The following SLC24A3 variants were observed in gnomAD, a reference collection of about 807,000 sequenced individuals.
SLC24A3 encodes the protein sodium/potassium/calcium exchanger 3.
SLC24A3 carries 28 observed loss-of-function variants against 75.8 expected under a neutral mutation model. The ratio of observed to expected loss-of-function variants is 0.37; its 90% confidence interval spans 0.27 to 0.51. The LOEUF (loss-of-function observed/expected upper bound fraction) is 0.51. Ranked by LOEUF, SLC24A3 falls within the 20% of genes least tolerant of loss-of-function variation. SLC24A3 has a pLI of 0.94. For synonymous variants in SLC24A3, 372 were observed against 334.1 expected, an observed-to-expected ratio of 1.11 and a Z score of -1.24; for missense variants, 663 against 847.8, an observed-to-expected ratio of 0.78 and a Z score of 2.71.
intron 1 of SLC24A3, among the ~76,000 whole-genome samples, chr20:19,236,713 G>A (rs1009459237): frequency 4.6e-5 from 7 of 152,256 alleles, no homozygotes; most frequent in African/African-American, 7.2e-5. Flanking sequence ...CTATGATTGC[G>A]CCACTTCACT....
intron 2 of SLC24A3, among the ~76,000 whole-genome samples, chr20:19,297,370 G>A (rs1984086526): frequency 6.6e-6 from 1 of 152,140 alleles, no homozygotes; most frequent in Non-Finnish European, 1.5e-5. Flanking sequence ...CCTCTGTCAA[G>A]GTATAGGACA....
intron 3 of SLC24A3, among the ~76,000 whole-genome samples, chr20:19,520,819 A>G (rs1375658023): frequency 9.2e-5 from 14 of 152,152 alleles, no homozygotes; most frequent in Non-Finnish European, 2.9e-5. Context: ...CTCACTTATG[A>G]GCTTACATCC....
chr20:19,527,608 C>T (rs1251893329), intron 3 of SLC24A3, among the ~76,000 whole-genome samples: 5 of 152,196 alleles, frequency 3.3e-5, no homozygotes, highest in Admixed American at 6.5e-5. Context: ...ACACACAAGT[C>T]TCTTATGCCA....
At chr20:19,517,177 G>C (rs553114974) in intron 3 of SLC24A3, among the ~76,000 whole-genome samples, 1 of 152,290 alleles carries the variant, frequency 6.6e-6, no homozygotes, top group South Asian at 2.1e-4. Flanking sequence ...TCGGCACCAA[G>C]GAGGCTACCC....
chr20:19,550,686 T>C (rs6046175), intron 3 of SLC24A3, among the ~76,000 whole-genome samples: 4,345 of 152,320 alleles, frequency 0.029, 202 homozygotes, highest in African/African-American at 0.099. Context: ...TGTGGCCTAC[T>C]GGACCCTTAT....
chr20:19,269,813 T>A (rs994415813), intron 1 of SLC24A3, among the ~76,000 whole-genome samples: 1 of 152,174 alleles, frequency 6.6e-6, no homozygotes, highest in African/African-American at 2.4e-5. Context: ...TAGTATTTGC[T>A]CCTGAGGCCC....
At chr20:19,379,045 A>G (rs1319162342) in intron 2 of SLC24A3, among the ~76,000 whole-genome samples, 1 of 152,116 alleles carries the variant, frequency 6.6e-6, no homozygotes, top group African/African-American at 2.4e-5. Context: ...AGTGGCTGTG[A>G]GCAGATGAGG....
At chr20:19,280,093 T>C (rs1463551512) in intron 1 of SLC24A3, among the ~76,000 whole-genome samples, 1 of 152,110 alleles carries the variant, frequency 6.6e-6, no homozygotes, top group Non-Finnish European at 1.5e-5. Flanking sequence ...CTTCCAAAGT[T>C]CCTCCCTTTC....
At chr20:19,666,280 G>T (rs1005727988) in intron 8 of SLC24A3, among the ~76,000 whole-genome samples, 3 of 152,146 alleles carry the variant, frequency 2.0e-5, no homozygotes, top group Non-Finnish European at 4.4e-5. Context: ...GCCGAGGCGG[G>T]TGGATCACGA....
chr20:19,368,696 C>T (rs978947355), intron 2 of SLC24A3, among the ~76,000 whole-genome samples: 1 of 152,208 alleles, frequency 6.6e-6, no homozygotes, highest in Non-Finnish European at 1.5e-5. Context: ...GGCCCCAATA[C>T]CCAGCAGTGT....
At chr20:19,530,285 G>A (rs187303215) in intron 3 of SLC24A3, among the ~76,000 whole-genome samples, 7 of 152,146 alleles carry the variant, frequency 4.6e-5, no homozygotes, top group Admixed American at 6.5e-5. Context: ...TAGATAAACC[G>A]TACTCACTGG....
chr20:19,609,395 T>C (rs1257323397), intron 6 of SLC24A3, among the ~76,000 whole-genome samples: 2 of 152,128 alleles, frequency 1.3e-5, no homozygotes, highest in African/African-American at 4.8e-5. Context: ...TTTTTATGTA[T>C]GTATTTATTT....
chr20:19,337,385 G>C (rs528587116), intron 2 of SLC24A3, among the ~76,000 whole-genome samples: 1 of 151,948 alleles, frequency 6.6e-6, no homozygotes, highest in Non-Finnish European at 1.5e-5. Context: ...TGGAGGTTGC[G>C]GTGAGCTGAA....
intron 2 of SLC24A3, among the ~76,000 whole-genome samples, chr20:19,324,544 G>A (rs1984793261): frequency 6.6e-6 from 1 of 152,178 alleles, no homozygotes; most frequent in Admixed American, 6.5e-5. Context: ...TCCTGGCCTT[G>A]GGGTTCACTG....
intron 6 of SLC24A3, among the ~76,000 whole-genome samples, chr20:19,644,348 C>T (rs558088581): frequency 1.3e-5 from 2 of 152,242 alleles, no homozygotes; most frequent in East Asian, 1.9e-4. Context: ...ACAATAAACC[C>T]TTGAGTCACC....
chr20:19,222,305 A>G (rs1239091287), intron 1 of SLC24A3, among the ~76,000 whole-genome samples: 2 of 151,932 alleles, frequency 1.3e-5, no homozygotes, highest in African/African-American at 2.4e-5. Flanking sequence ...CTTGTTTTTC[A>G]TATTATACAT....
chr20:19,595,558 CT>C lies in SLC24A3; in HGVS notation c.612+10015del, dbSNP rs560533287. On this transcript the variant is annotated intron_variant, in intron 6 of 16. Coordinates refer to ENST00000328041, the MANE Select transcript of SLC24A3 (RefSeq NM_020689.4). ...ACAAGGTGAGTTGAAACAGCACAAA[CT>C]CTGGGTAGCATTTGAGACACAGTCA... Among the ~76,000 whole-genome samples the C allele has an allele frequency of 5.2e-3, 787 of 152,296 alleles. 11 individuals carry two copies. Among genetic ancestry groups the C allele is most frequent in the African/African-American group, 0.018 (742 of 41,574 alleles).
chr20:19,709,623 G>GA (rs1394187075), intron 15 of SLC24A3, among the ~76,000 whole-genome samples: 4 of 150,908 alleles, frequency 2.7e-5, no homozygotes, highest in South Asian at 2.1e-4. Context: ...CTCCATCTCA[G>GA]AAAAAAAAAG....
chr20:19,473,595 G>A (rs1987911007), intron 2 of SLC24A3, among the ~76,000 whole-genome samples: 1 of 152,226 alleles, frequency 6.6e-6, no homozygotes, highest in Non-Finnish European at 1.5e-5. Context: ...CATGTAGCTG[G>A]GGAATTGGGG....
Sources: gnomAD v4.1 joint callset for allele counts (sites outside exome capture counted in the v4.1 genomes callset) on GRCh38, gnomAD v4.1.1 for gene constraint, MANE v1.5 for transcripts, NCBI Gene and HGNC (gene_info 2026-07-23, HGNC 2026-07-21) for gene names.